EYA2: variants seen among roughly 807,000 people sequenced by gnomAD.
EYA2 encodes the protein protein phosphatase EYA2.
EYA2 carries 31 observed loss-of-function variants against 69.2 expected under a neutral mutation model. The observed-to-expected ratio is 0.45, with a 90% CI of 0.34 to 0.60. The LOEUF is 0.60. Ranked by LOEUF, EYA2 falls within the 20% of genes least tolerant of loss-of-function variation. The pLI is 0.02. For synonymous variants in EYA2, 257 were observed against 279.4 expected, an observed-to-expected ratio of 0.92 and a Z score of 0.80; for missense variants, 622 against 701.2, an observed-to-expected ratio of 0.89 and a Z score of 1.28.
At chr20:47,035,803 T>G (rs1426429608) in intron 5 of EYA2, among the ~76,000 whole-genome samples, 1 of 151,494 alleles carries the variant, frequency 6.6e-6, no homozygotes, top group African/African-American at 2.4e-5. Context: ...AGACTAGAAG[T>G]TCGAGACCAG....
chr20:47,151,106 T>G (rs6018306), intron 10 of EYA2, among the ~76,000 whole-genome samples: 1 of 151,792 alleles, frequency 6.6e-6, no homozygotes. Context: ...CACAGTTGTT[T>G]GCGCCTGTAA....
intron 1 of EYA2, among the ~76,000 whole-genome samples, chr20:46,944,327 A>G (rs1249034601): frequency 6.6e-6 from 1 of 152,204 alleles, no homozygotes; most frequent in Non-Finnish European, 1.5e-5. Context: ...AGTGGTGGGC[A>G]CCTGACTCCA....
intron 1 of EYA2, among the ~76,000 whole-genome samples, chr20:46,921,886 A>C (rs1259980178): frequency 6.6e-6 from 1 of 152,208 alleles, no homozygotes; most frequent in Non-Finnish European, 1.5e-5. Flanking sequence ...TCTTCTCCCA[A>C]TTGCTATAAA....
intron 15 of EYA2, among the ~76,000 whole-genome samples, chr20:47,186,020 A>G (rs551152468): frequency 1.4e-3 from 217 of 152,118 alleles, no homozygotes; most frequent in African/African-American, 4.8e-3. Context: ...GTTCCCCCAC[A>G]TCTTTGCCAG....
At chr20:47,183,414 T>G in intron 15 of EYA2, 23 bp downstream of exon 15, 1 of 1,607,462 alleles carries the variant, frequency 6.2e-7, no homozygotes, top group South Asian at 1.1e-5. Context: ...CCTCTCAGAC[T>G]GCGTTTTCCT....
intron 2 of EYA2, among the ~76,000 whole-genome samples, chr20:46,995,278 G>A (rs1442250459): frequency 5.3e-5 from 8 of 152,174 alleles, no homozygotes; most frequent in African/African-American, 1.4e-4. Context: ...GAAATGAAAC[G>A]TTATGACTTT....
intron 9 of EYA2, among the ~76,000 whole-genome samples, chr20:47,138,488 G>A (rs544713952): frequency 3.3e-5 from 5 of 152,164 alleles, no homozygotes; most frequent in South Asian, 2.1e-4. Context: ...GGTGGCTCAC[G>A]CCTGTAATCC....
chr20:47,070,096 A>T (rs1264935268), intron 5 of EYA2, among the ~76,000 whole-genome samples: 2 of 152,196 alleles, frequency 1.3e-5, no homozygotes, highest in Non-Finnish European at 2.9e-5. Context: ...AGAAAAAGAC[A>T]AGCCACAAAC....
chr20:46,970,968 G>C (rs1195795145), intron 1 of EYA2, among the ~76,000 whole-genome samples: 2 of 152,102 alleles, frequency 1.3e-5, no homozygotes, highest in Non-Finnish European at 2.9e-5. Context: ...AGATGGAGTG[G>C]AAATGGGGCA....
chr20:47,134,559 A>T (rs1212010), intron 9 of EYA2, among the ~76,000 whole-genome samples: 1 of 144,900 alleles, frequency 6.9e-6, no homozygotes, highest in Admixed American at 6.7e-5. Context: ...TACATTTTAC[A>T]CTATAACCCA....
At chr20:47,013,180 G>A (rs191866246) in intron 4 of EYA2, among the ~76,000 whole-genome samples, 4 of 152,350 alleles carry the variant, frequency 2.6e-5, no homozygotes, top group Admixed American at 6.5e-5. Flanking sequence ...GGGTACAAGA[G>A]GGAACCAGCC....
chr20:47,089,639 C>T (rs773271749), intron 8 of EYA2, among the ~76,000 whole-genome samples: 2 of 152,154 alleles, frequency 1.3e-5, no homozygotes, highest in South Asian at 2.1e-4. Flanking sequence ...ATTGCTGGGC[C>T]TCAGCCCAAG....
intron 10 of EYA2, among the ~76,000 whole-genome samples, chr20:47,163,334 T>G (rs865896784): frequency 6.6e-6 from 1 of 152,146 alleles, no homozygotes; most frequent in Non-Finnish European, 1.5e-5. Flanking sequence ...CCCAGCCGGA[T>G]GTATGATTCT....
At chr20:46,970,968 G>A (rs1195795145) in intron 1 of EYA2, among the ~76,000 whole-genome samples, 1 of 152,102 alleles carries the variant, frequency 6.6e-6, no homozygotes, top group Admixed American at 6.5e-5. Context: ...AGATGGAGTG[G>A]AAATGGGGCA....
intron 9 of EYA2, among the ~76,000 whole-genome samples, chr20:47,139,427 T>TTTTTA (rs563109105): frequency 6.6e-6 from 1 of 152,198 alleles, no homozygotes; most frequent in Non-Finnish European, 1.5e-5. Context: ...CTCCAAATTA[T>TTTTTA]TTTTATTTTA....
At chr20:46,945,845 T>A (rs897352152) in intron 1 of EYA2, among the ~76,000 whole-genome samples, 3 of 152,118 alleles carry the variant, frequency 2.0e-5, no homozygotes, top group Non-Finnish European at 4.4e-5. Context: ...CTGCAGAAGG[T>A]GGAGGTACTG....
intron 5 of EYA2, among the ~76,000 whole-genome samples, chr20:47,047,956 G>T (rs1040263100): frequency 3.3e-5 from 5 of 152,062 alleles, no homozygotes; most frequent in Non-Finnish European, 7.4e-5. Flanking sequence ...AGGATTACAG[G>T]CATGAGCCAC....
chr20:46,955,762 C>T (rs1385450247), intron 1 of EYA2, among the ~76,000 whole-genome samples: 1 of 152,208 alleles, frequency 6.6e-6, no homozygotes, highest in African/African-American at 2.4e-5. Flanking sequence ...ATCTTATCTG[C>T]TTTGTTACTA....
intron 1 of EYA2, among the ~76,000 whole-genome samples, chr20:46,903,244 C>T (rs1984199475): frequency 6.6e-6 from 1 of 152,186 alleles, no homozygotes; most frequent in South Asian, 2.1e-4. Flanking sequence ...AGGGTGTTGA[C>T]ATGACTTTTT....
Sources: allele counts gnomAD v4.1 joint callset (sites outside exome capture counted in the v4.1 genomes callset), GRCh38; gene constraint gnomAD v4.1.1; transcripts MANE v1.5; gene names NCBI Gene and HGNC (gene_info 2026-07-23, HGNC 2026-07-21).